Variants in JPH2 observed in about 807,000 individuals in gnomAD.
JPH2 encodes the protein junctophilin-2.
A neutral mutation model predicts 55.9 loss-of-function variants in JPH2; 38 were observed. The observed-to-expected ratio is 0.68, with a 90% CI of 0.52 to 0.89. JPH2 has a LOEUF of 0.89. JPH2 is among the 40% of genes least tolerant of loss of function. JPH2 has a pLI of 0.00. For synonymous variants in JPH2, 480 were observed against 472.4 expected, an observed-to-expected ratio of 1.02 and a Z score of -0.21; for missense variants, 964 against 1,037.6, an observed-to-expected ratio of 0.93 and a Z score of 0.97.
intron 2 of JPH2, among the ~76,000 whole-genome samples, chr20:44,135,331 C>G (rs1433462622): frequency 1.3e-5 from 2 of 152,152 alleles, no homozygotes; most frequent in African/African-American, 2.4e-5. Context: ...ACTCCAAACT[C>G]AACCTTCTAG....
chr20:44,181,946 G>T (rs1304049940), intron 1 of JPH2, among the ~76,000 whole-genome samples: 1 of 152,204 alleles, frequency 6.6e-6, no homozygotes, highest in South Asian at 2.1e-4. Flanking sequence ...CAGGTGTAGC[G>T]CGGGGCTAGC....
At chr20:44,128,943 G>A (rs963311194) in intron 2 of JPH2, among the ~76,000 whole-genome samples, 2 of 152,160 alleles carry the variant, frequency 1.3e-5, no homozygotes, top group Non-Finnish European at 2.9e-5. Flanking sequence ...TTTTCCATCT[G>A]TAAAACGAGG....
At chr20:44,140,717 G>C in intron 2 of JPH2, among the ~76,000 whole-genome samples, 1 of 151,538 alleles carries the variant, frequency 6.6e-6, no homozygotes. Context: ...ACACCTGGGA[G>C]ATCCCCACCG....
rs1410771131 is a variant in JPH2 at position 44,108,634 on chromosome 20, A to G, written c.*4884T>C. On this transcript the variant is annotated 3_prime_UTR_variant, in exon 6 of 6. Transcript: ENST00000372980. The stretch of plus-strand genomic sequence containing the variant: ...GGTGACAGAATGAGACTCTGTCTCA[A>G]AAAAAAAAAAAAAGAAAAGAGGAAG... 1.3e-5 allele frequency among the ~76,000 whole-genome samples: 2 copies of G among 148,584 alleles called. No individual in the cohort carries two copies. Among genetic ancestry groups the G allele is most frequent in the Non-Finnish European group, 3.0e-5 (2 of 66,804 alleles).
chr20:44,154,123 C>T lies in JPH2; in HGVS notation c.1169+5495G>A, dbSNP rs143904046. ...TGTATCCTTTTCTGCACCTCAGTCTCCCCAACTGCTCAGTGACAGGGTTGG... is the reference window on the plus strand; with the variant it reads ...TGTATCCTTTTCTGCACCTCAGTCTTCCCAACTGCTCAGTGACAGGGTTGG... On this transcript the variant is annotated intron_variant, in intron 2 of 5. Coordinates refer to ENST00000372980, the MANE Select transcript of JPH2 (RefSeq NM_020433.5). Among the ~76,000 whole-genome samples, 75 of 152,290 alleles carry T rather than the reference C, an allele frequency of 4.9e-4. 1 individual carries two copies. In the Middle Eastern group the frequency reaches 0.01, roughly 21 times the overall value.
intron 2 of JPH2, among the ~76,000 whole-genome samples, chr20:44,134,719 T>G (rs867360803): frequency 0.088 from 5,068 of 57,824 alleles, 838 homozygotes; most frequent in Admixed American, 0.13. Flanking sequence ...ATATTATAAA[T>G]ATATATTTAT....
In JPH2 at chr20:44,126,163, G is replaced by GAA. The variant is rs1376873062; in HGVS notation, c.1170-7541_1170-7540insTT. Among the ~76,000 whole-genome samples, 211 of 91,974 alleles carry GAA rather than the reference G, an allele frequency of 2.3e-3. 6 individuals carry two copies. Among genetic ancestry groups the GAA allele is most frequent in the African/African-American group, 8.3e-3 (203 of 24,426 alleles). The allele number at this position is 91,974 out of a possible 152,430, so 60.3% of individuals were successfully genotyped here. A position where few individuals can be genotyped will look rare whatever the true frequency, so the allele number is the denominator to read the frequency against. On this transcript the variant is annotated intron_variant, in intron 2 of 5. Transcript: ENST00000372980. Reference sequence around the variant, plus strand: ...GAGAGGGAGGGAGGGAGGGAGGGAGGGAGGGAGGAAGGAAGGAAGGAAGGA... The same window carrying GAA: ...GAGAGGGAGGGAGGGAGGGAGGGAGGAAGAGGGAGGAAGGAAGGAAGGAAGGA...
intron 2 of JPH2, among the ~76,000 whole-genome samples, chr20:44,153,761 C>T (rs1002602256): frequency 1.3e-5 from 2 of 152,342 alleles, no homozygotes; most frequent in East Asian, 1.9e-4. Context: ...ATATACCCTT[C>T]GTATAGAGGC....
intron 2 of JPH2, among the ~76,000 whole-genome samples, chr20:44,124,129 AG>A (rs2072259471): frequency 6.6e-6 from 1 of 152,144 alleles, no homozygotes; most frequent in African/African-American, 2.4e-5. Context: ...GTTAAAAATA[AG>A]GCTGGTGTTT....
At chr20:44,157,420 A>C (rs2072573643) in intron 2 of JPH2, among the ~76,000 whole-genome samples, 1 of 152,080 alleles carries the variant, frequency 6.6e-6, no homozygotes, top group Non-Finnish European at 1.5e-5. Context: ...CTTTGTTGAG[A>C]CTGTATTGCA....
chr20:44,132,353 C>CAG (rs1555855271), intron 2 of JPH2, among the ~76,000 whole-genome samples: 1 of 90,746 alleles, frequency 1.1e-5, no homozygotes, highest in Non-Finnish European at 2.4e-5. Context: ...GGCAGACAGA[C>CAG]AGACACACAC....
chr20:44,115,826 C>T lies in JPH2; in HGVS notation c.1849G>A (p.Glu617Lys), dbSNP rs139139708. The change falls in exon 4 of 6, where the codon GAG becomes AAG. Residue 617 changes from glutamate to lysine, a missense_variant. Glu to Lys is a moderately conservative substitution (Grantham distance 56). Coordinates refer to ENST00000372980, the MANE Select transcript of JPH2 (RefSeq NM_020433.5). The stretch of plus-strand genomic sequence containing the variant: ...TTGGGCTCCAGCTTGGCGGGGGTCT[C>T]GCGTGCAGGCTCGGGGCCTCGGAGC... ...PTLRGPEPAR[E>K]TPAKLEPKPI... The T allele has an allele frequency of 6.2e-7, 1 of 1,600,692 alleles. No homozygotes were observed. The highest frequency in any genetic ancestry group is 8.5e-7 in the Non-Finnish European group (1 of 1,177,852).
chr20:44,169,826 G>C (rs1407201413), intron 1 of JPH2, among the ~76,000 whole-genome samples: 1 of 152,110 alleles, frequency 6.6e-6, no homozygotes, highest in Non-Finnish European at 1.5e-5. Context: ...TTGGTTATGG[G>C]AGTGGGGCTG....
Position 44,114,931 on chromosome 20 carries a change from C to T in JPH2, c.2011-55G>A, listed in dbSNP as rs1043654427. On this transcript the variant is annotated intron_variant, in intron 4 of 5. Coordinates refer to ENST00000372980, the MANE Select transcript of JPH2 (RefSeq NM_020433.5). ...TCCCCATGGCCTCGGAGACACCCCC[C>T]ACCCAGGTCACAGCAAGGCTGGACA... 4.4e-6 allele frequency: 6 copies of T among 1,363,030 alleles called. No homozygotes were observed. The Admixed American group carries it at 5.9e-5, about 13-fold the overall frequency. 84.4% of individuals were successfully genotyped at this position (1,363,030 alleles called of 1,614,324 possible). A position where few individuals can be genotyped will look rare whatever the true frequency, so the allele number is the denominator to read the frequency against.
At chr20:44,114,909 CCA>C (rs1202151962) in intron 4 of JPH2, 33 bp from the exon 5 acceptor site, 1 of 1,547,756 alleles carries the variant, frequency 6.5e-7, no homozygotes, top group Non-Finnish European at 8.8e-7. Context: ...TCCTGAGTCC[CCA>C]TGGCCTCGGA....
In JPH2 at chr20:44,109,224, C is replaced by T. The variant is rs1303752587; in HGVS notation, c.*4294G>A. Among the ~76,000 whole-genome samples the T allele has an allele frequency of 6.6e-6, 1 of 152,198 alleles. No homozygotes were observed. Among genetic ancestry groups the T allele is most frequent in the African/African-American group, 2.4e-5 (1 of 41,442 alleles). Reference sequence around the variant, plus strand: ...CCTTGAACCAATCACTCCATCTCCCCAAGGCTCAATTTTCCTCATCTGCAA... The same window carrying T: ...CCTTGAACCAATCACTCCATCTCCCTAAGGCTCAATTTTCCTCATCTGCAA... On this transcript the variant is annotated 3_prime_UTR_variant, in exon 6 of 6. Coordinates refer to ENST00000372980, the MANE Select transcript of JPH2 (RefSeq NM_020433.5).
At chr20:44,141,800 T>C (rs1374701293) in intron 2 of JPH2, among the ~76,000 whole-genome samples, 1 of 152,174 alleles carries the variant, frequency 6.6e-6, no homozygotes, top group Non-Finnish European at 1.5e-5. Flanking sequence ...GGAGCCACCA[T>C]GCCCAGCCAC....
At chr20:44,142,964 G>T (rs535375907) in intron 2 of JPH2, among the ~76,000 whole-genome samples, 131 of 152,270 alleles carry the variant, frequency 8.6e-4, no homozygotes, top group Non-Finnish European at 1.4e-3. Context: ...CTGGGACTGG[G>T]GAGCCGGGGG....
intron 2 of JPH2, among the ~76,000 whole-genome samples, chr20:44,123,653 C>T (rs1184196860): frequency 6.6e-6 from 1 of 152,210 alleles, no homozygotes; most frequent in Non-Finnish European, 1.5e-5. Flanking sequence ...AGGCCAGTGC[C>T]TCTCCTAATG....
Sources: gnomAD v4.1 joint callset for allele counts (sites outside exome capture counted in the v4.1 genomes callset) on GRCh38, gnomAD v4.1.1 for gene constraint, MANE v1.5 for transcripts, NCBI Gene and HGNC (gene_info 2026-07-23, HGNC 2026-07-21) for gene names.